The following IGF2R variants were observed in gnomAD, a reference collection of about 807,000 sequenced individuals.
IGF2R encodes insulin like growth factor 2 receptor, also known as cation-independent mannose-6-phosphate receptor.
Under a neutral mutation model 270.6 loss-of-function variants are expected in IGF2R, and 91 were observed. That is an observed-to-expected ratio of 0.34 (90% confidence interval 0.28 to 0.40). IGF2R has a LOEUF of 0.40. Among genes scored for constraint, IGF2R ranks in the 10% least tolerant of loss-of-function variants. The probability of loss-of-function intolerance (pLI) is 1.00; values close to 1 mark genes in which losing one functional copy is unlikely to be tolerated. For synonymous variants in IGF2R, 1,316 were observed against 1,258.9 expected (o/e 1.05, Z -0.96); for missense variants, 2,805 against 3,188.3 (o/e 0.88, Z 2.90).
At chr6:159,988,404 A>G (rs1456529463) in intron 1 of IGF2R, among the ~76,000 whole-genome samples, 4 of 151,010 alleles carry the variant, frequency 2.6e-5, no homozygotes, top group Non-Finnish European at 5.9e-5. Context: ...AGTGCCAGCT[A>G]CGGGAGGCTG....
At chr6:160,016,927 G>A (rs1777312673) in intron 4 of IGF2R, among the ~76,000 whole-genome samples, 1 of 152,214 alleles carries the variant, frequency 6.6e-6, no homozygotes, top group Non-Finnish European at 1.5e-5. Context: ...TAGATGAGAA[G>A]GAAGCAGGGT....
intron 41 of IGF2R, 109 bp from the exon 42 acceptor site, chr6:160,087,924 C>T: frequency 1.4e-6 from 1 of 696,814 alleles, no homozygotes; most frequent in Admixed American, 2.1e-5. Context: ...GATCTGCCCT[C>T]TTTGGTTTCC....
rs756509603 is a variant in IGF2R, at chr6:160,060,517, T to C, written c.3092-30T>C. 8 of 1,611,764 alleles carry C rather than the reference T, an allele frequency of 5.0e-6. 1 individual carries two copies. The highest frequency in any genetic ancestry group is 3.3e-4 in the Middle Eastern group (2 of 6,052). On this transcript the variant is annotated intron_variant, in intron 22 of 47. Transcript: ENST00000356956. ...GCTGCGCCATGAATACTGTTCTGTC[T>C]CTTAAAATCTGGGCCTTCTTGCTTT...
intron 41 of IGF2R, among the ~76,000 whole-genome samples, chr6:160,085,342 T>TCATATAATGTTTAGA (rs1258229560): frequency 2.0e-5 from 3 of 152,134 alleles, no homozygotes; most frequent in African/African-American, 7.2e-5. Flanking sequence ...GGTCCTAGTC[T>TCATATAATGTTTAGA]GTGTGTTTAG....
At chr6:160,022,247 G>A (rs892746360) in intron 4 of IGF2R, among the ~76,000 whole-genome samples, 3 of 152,106 alleles carry the variant, frequency 2.0e-5, no homozygotes, top group Non-Finnish European at 2.9e-5. Context: ...AAGGTGAGAG[G>A]GTGGGAGGGC....
At chr6:160,062,111 C>G (rs8191846) in intron 25 of IGF2R, among the ~76,000 whole-genome samples, 183 bp downstream of exon 25, 22 of 151,416 alleles carry the variant, frequency 1.5e-4, no homozygotes, top group African/African-American at 5.3e-4. Flanking sequence ...ATAAATGTTA[C>G]GTAGTTTGCA....
At chr6:160,039,503 A>G (rs369198599) in intron 10 of IGF2R, among the ~76,000 whole-genome samples, 3 of 152,228 alleles carry the variant, frequency 2.0e-5, no homozygotes, top group African/African-American at 4.8e-5. Context: ...TGTGCTCACT[A>G]CAGGTTTGCC....
intron 19 of IGF2R, among the ~76,000 whole-genome samples, chr6:160,054,377 G>A (rs563410320): frequency 5.6e-4 from 85 of 152,276 alleles, no homozygotes; most frequent in African/African-American, 1.9e-3. Flanking sequence ...GTGAAGCAGA[G>A]GACATGAAGG....
intron 41 of IGF2R, among the ~76,000 whole-genome samples, chr6:160,086,708 C>G (rs557462099): frequency 1.3e-5 from 2 of 152,308 alleles, no homozygotes; most frequent in Admixed American, 1.3e-4. Context: ...AAAACAAATT[C>G]AGCTGGAGCA....
chr6:160,007,485 A>G (rs985852120), intron 2 of IGF2R: 4 of 152,210 alleles, frequency 2.6e-5, no homozygotes, highest in South Asian at 2.1e-4. Context: ...ATGTCTTAAC[A>G]TATTTATTGA....
At chr6:160,031,562 GAATCCTACACTGT>G (rs917892964) in intron 7 of IGF2R, among the ~76,000 whole-genome samples, 12 of 152,036 alleles carry the variant, frequency 7.9e-5, no homozygotes, top group African/African-American at 2.9e-4. Flanking sequence ...TATGTCAGGA[GAATCCTACACTGT>G]GTGGCTTTCT....
intron 10 of IGF2R, among the ~76,000 whole-genome samples, chr6:160,036,274 T>A (rs1202352091): frequency 6.6e-6 from 1 of 152,108 alleles, no homozygotes; most frequent in Non-Finnish European, 1.5e-5. Context: ...CATTCTCTCA[T>A]CGCCCTCACC....
intron 2 of IGF2R, among the ~76,000 whole-genome samples, chr6:159,994,080 C>G (rs1462993787): frequency 7.2e-6 from 1 of 138,438 alleles, no homozygotes. Flanking sequence ...CTCAATCTGT[C>G]TGGTCCTGTG....
chr6:160,059,233 C>A, intron 22 of IGF2R, 135 bp downstream of exon 22: 3 of 677,984 alleles, frequency 4.4e-6, no homozygotes, highest in Non-Finnish European at 4.8e-6. Context: ...GCTGCAGGAG[C>A]CATCACGGTG....
intron 29 of IGF2R, among the ~76,000 whole-genome samples, chr6:160,066,134 C>T (rs528677260): frequency 6.6e-6 from 1 of 151,890 alleles, no homozygotes; most frequent in South Asian, 2.1e-4. Flanking sequence ...CCTGCCTCAG[C>T]CTCCCGAGTA....
chr6:160,095,860 A>G (rs1379477176), intron 44 of IGF2R: 1 of 152,482 alleles, frequency 6.6e-6, no homozygotes, highest in Non-Finnish European at 1.5e-5. Flanking sequence ...TGTGTACATA[A>G]TTCTTTAGGA....
chr6:159,986,427 TG>T (rs1307180327), intron 1 of IGF2R, among the ~76,000 whole-genome samples: 4 of 112,688 alleles, frequency 3.5e-5, no homozygotes, highest in African/African-American at 1.3e-4. Context: ...TGTGTGTGTG[TG>T]TGTTTTTTTT....
chr6:160,018,594 GA>G (rs1165402278), intron 4 of IGF2R, among the ~76,000 whole-genome samples: 3 of 151,906 alleles, frequency 2.0e-5, no homozygotes, highest in Non-Finnish European at 4.4e-5. Context: ...TCAATAAATT[GA>G]AAAAAACCAA....
chr6:160,101,255 C>T (rs889591323), intron 45 of IGF2R, among the ~76,000 whole-genome samples: 3 of 152,172 alleles, frequency 2.0e-5, no homozygotes, highest in African/African-American at 7.2e-5. Context: ...AAGTAAAATA[C>T]GCTTAGAACT....
Sources: gnomAD v4.1 joint callset for allele counts (sites outside exome capture counted in the v4.1 genomes callset) on GRCh38, gnomAD v4.1.1 for gene constraint, MANE v1.5 for transcripts, NCBI Gene and HGNC (gene_info 2026-07-23, HGNC 2026-07-21) for gene names.